SYDE2: variants seen among roughly 807,000 people sequenced by gnomAD.
The protein encoded by SYDE2 is synapse defective Rho GTPase homolog 2.
Under a neutral mutation model 91.5 loss-of-function variants are expected in SYDE2, and 76 were observed. That is an observed-to-expected ratio of 0.83 (90% CI 0.69 to 1.01). The LOEUF (loss-of-function observed/expected upper bound fraction) is 1.01. SYDE2 is among the 50% of genes least tolerant of loss of function. SYDE2 has a pLI of 0.00. For missense variants in SYDE2, 1,364 were observed against 1,367.7 expected, an observed-to-expected ratio of 1.00 and a Z score of 0.04; for synonymous variants, 513 against 506.4, an observed-to-expected ratio of 1.01 and a Z score of -0.18.
intron 6 of SYDE2, chr1:85,160,077 A>T: frequency 1.0e-6 from 1 of 984,294 alleles, no homozygotes; most frequent in Non-Finnish European, 1.2e-6. Context: ...TCTGTATATA[A>T]AATAGACAAT....
intron 6 of SYDE2, among the ~76,000 whole-genome samples, chr1:85,162,486 C>T (rs995130402): frequency 1.1e-4 from 17 of 152,180 alleles, no homozygotes; most frequent in Non-Finnish European, 2.4e-4. Flanking sequence ...TCTCAACTTT[C>T]TGCCCTGTTT....
At chr1:85,172,337 C>T (rs1158466920) in intron 4 of SYDE2, among the ~76,000 whole-genome samples, 1 of 152,062 alleles carries the variant, frequency 6.6e-6, no homozygotes, top group Non-Finnish European at 1.5e-5. Flanking sequence ...AGTAGACACT[C>T]CAGAGTATAA....
At chr1:85,173,385 C>T (rs929423504) in intron 4 of SYDE2, among the ~76,000 whole-genome samples, 4 of 152,136 alleles carry the variant, frequency 2.6e-5, no homozygotes, top group African/African-American at 9.7e-5. Flanking sequence ...CAGGGCCCTG[C>T]TAATGCTGAT....
chr1:85,195,209 T>A (rs989432010), intron 1 of SYDE2, among the ~76,000 whole-genome samples: 3 of 152,068 alleles, frequency 2.0e-5, no homozygotes, highest in South Asian at 2.1e-4. Flanking sequence ...TTCATCATTT[T>A]AAAAATTCTG....
At chr1:85,167,289 A>G (rs546874567) in intron 5 of SYDE2, among the ~76,000 whole-genome samples, 5 of 152,264 alleles carry the variant, frequency 3.3e-5, no homozygotes, top group East Asian at 1.9e-4. Context: ...AAATGTTCAT[A>G]TTATTTAAAT....
chr1:85,165,785 A>C (rs969941664), intron 5 of SYDE2, among the ~76,000 whole-genome samples: 12 of 151,690 alleles, frequency 7.9e-5, no homozygotes, highest in African/African-American at 2.9e-4. Flanking sequence ...ATGTAGTGGC[A>C]TAGGATCAAT....
At position 85,200,299 on chromosome 1, in the gene SYDE2, T is replaced by C. The variant is rs74371003; in HGVS notation, c.698A>G (p.Glu233Gly). Reference sequence around the variant, plus strand: ...TGGAGGCACCGACAGGACACGGTTTTCACGCACTTTCAAAGCGCCCACATT... The same window carrying C: ...TGGAGGCACCGACAGGACACGGTTTCCACGCACTTTCAAAGCGCCCACATT... ...SPNVGALKVR[E>G]NRVLSVPPDQ... is the part of the protein sequence containing the mutation. Residue 233 changes from glutamate (E) to glycine (G), a missense_variant, in exon 1 of 7, where the codon GAA (glutamate) becomes GGA (glycine). Coordinates refer to ENST00000341460, the MANE Select transcript of SYDE2 (RefSeq NM_032184.2). 1 of 1,614,020 alleles carries C rather than the reference T, an allele frequency of 6.2e-7. No individual in the cohort carries two copies. Among genetic ancestry groups the C allele is most frequent in the Non-Finnish European group, 8.5e-7 (1 of 1,179,890 alleles).
intron 1 of SYDE2, among the ~76,000 whole-genome samples, chr1:85,193,138 A>AGAGAAAGT (rs1658437152): frequency 1.3e-5 from 2 of 152,226 alleles, no homozygotes; most frequent in Admixed American, 6.5e-5. Context: ...CTCTGGTTCT[A>AGAGAAAGT]TCTCCATTAC....
chr1:85,189,446 C>A (rs1188345422), intron 2 of SYDE2, among the ~76,000 whole-genome samples: 4 of 152,234 alleles, frequency 2.6e-5, no homozygotes, highest in Admixed American at 6.5e-5. Flanking sequence ...ATAAGACTTA[C>A]TTTTTCTTCA....
At chr1:85,181,990 TA>T in intron 3 of SYDE2, 107 bp downstream of exon 3, 1 of 1,190,314 alleles carries the variant, frequency 8.4e-7, no homozygotes, top group East Asian at 2.6e-5. Context: ...ATAGGAATGG[TA>T]AAATATCTAA....
rs374736383 is a variant in SYDE2, at chr1:85,164,689, C to A, written c.2922G>T (p.Thr974=). Residue 974 remains threonine, a synonymous_variant, in exon 6 of 7, where the codon ACG becomes ACT. Transcript: ENST00000341460. ...VASYHEVNKM[T]CQNLAVCFGP... ...CAAAGCACACAGCCAAATTCTGGCACGTCATCTTATTCACTTCATGATAGG... is the reference window on the plus strand; with the variant it reads ...CAAAGCACACAGCCAAATTCTGGCAAGTCATCTTATTCACTTCATGATAGG... 1.3e-6 allele frequency: 2 copies of A among 1,532,002 alleles called. No homozygotes were observed. Among genetic ancestry groups the A allele is most frequent in the Non-Finnish European group, 1.8e-6 (2 of 1,139,862 alleles). 94.9% of individuals were successfully genotyped at this position (1,532,002 alleles called of 1,614,324 possible).
At chr1:85,160,104 T>C (rs1657006403) in intron 6 of SYDE2, 2 of 984,444 alleles carry the variant, frequency 2.0e-6, no homozygotes, top group African/African-American at 3.5e-5. Flanking sequence ...TGCTGACACA[T>C]AGCTATTAAA....
chr1:85,176,245 G>C (rs1233633672), intron 4 of SYDE2, among the ~76,000 whole-genome samples: 1 of 142,692 alleles, frequency 7.0e-6, no homozygotes, highest in East Asian at 1.9e-4. Context: ...CATTAACAAG[G>C]AAAGAACATT....
At chr1:85,172,896 C>T (rs1404807269) in intron 4 of SYDE2, among the ~76,000 whole-genome samples, 1 of 152,128 alleles carries the variant, frequency 6.6e-6, no homozygotes, top group East Asian at 1.9e-4. Context: ...TGGGGCAACT[C>T]CCCAAGGCTG....
chr1:85,169,409 TTG>T (rs1657417810), intron 4 of SYDE2, among the ~76,000 whole-genome samples, 184 bp from the exon 5 acceptor site: 3 of 152,230 alleles, frequency 2.0e-5, no homozygotes, highest in African/African-American at 7.2e-5. Context: ...GCCTTGGTAA[TTG>T]ACTTGTTTTG....
chr1:85,191,775 A>AT (rs200560903), intron 1 of SYDE2, among the ~76,000 whole-genome samples: 1 of 151,566 alleles, frequency 6.6e-6, no homozygotes, highest in East Asian at 1.9e-4. Flanking sequence ...AAAAAAAAAA[A>AT]TTAATAGTCC....
At chr1:85,197,166 T>C (rs986901407) in intron 1 of SYDE2, among the ~76,000 whole-genome samples, 3 of 152,326 alleles carry the variant, frequency 2.0e-5, no homozygotes, top group African/African-American at 7.2e-5. Flanking sequence ...TTATGTGTAA[T>C]GACTTTAGAT....
chr1:85,196,061 A>C (rs1404711837), intron 1 of SYDE2, among the ~76,000 whole-genome samples: 2 of 152,074 alleles, frequency 1.3e-5, no homozygotes, highest in Non-Finnish European at 1.5e-5. Context: ...TCTCACTAAT[A>C]CTTGTTAGTT....
chr1:85,160,578 A>C, intron 6 of SYDE2: 1 of 985,168 alleles, frequency 1.0e-6, no homozygotes, highest in Non-Finnish European at 1.2e-6. Flanking sequence ...TGCAGAATGG[A>C]TAACTGATTT....
Sources: gnomAD v4.1 joint callset for allele counts (sites outside exome capture counted in the v4.1 genomes callset) on GRCh38, gnomAD v4.1.1 for gene constraint, MANE v1.5 for transcripts, NCBI Gene and HGNC (gene_info 2026-07-23, HGNC 2026-07-21) for gene names.